MYH2: variants seen among roughly 807,000 people sequenced by gnomAD.
MYH2 encodes the protein myosin heavy chain 2, also known as myosin-2.
In MYH2, 139 loss-of-function variants were observed where a neutral mutation model predicts 228.1. The ratio of observed to expected loss-of-function variants is 0.61; its 90% CI spans 0.53 to 0.70. MYH2 has a LOEUF of 0.70. Ranked by LOEUF, MYH2 falls within the 30% of genes least tolerant of loss-of-function variation. MYH2 has a pLI of 0.00. For missense variants in MYH2, 1,809 were observed against 2,357.5 expected (o/e 0.77, Z 4.82); for synonymous variants, 796 against 871.1 (o/e 0.91, Z 1.52).
intron 28 of MYH2, 105 bp from the exon 29 acceptor site, chr17:10,527,161 A>G (rs1248318129): frequency 2.0e-6 from 2 of 1,000,142 alleles, no homozygotes; most frequent in Non-Finnish European, 3.2e-6. Context: ...TTGAGTGCTC[A>G]GATGGTTGAA....
Position 10,525,553 on chromosome 17 carries a change from CCTT to C in MYH2, c.4432_4434del (p.Lys1478del). On this transcript the variant is annotated inframe_deletion, in exon 32 of 40. Transcript: ENST00000245503. This position sits in a 1 kb window ranked among gnomAD's most constrained non-coding sequence, Gnocchi z 4.2. ...AGCTCAGTGCCAAGGGAACGGGCCT[CCTT>C]CTGGGAGGCCTCAAGCTCAGCATGC... is the stretch of plus-strand genomic sequence containing the variant. 1 of 1,614,188 alleles carries C rather than the reference CCTT, an allele frequency of 6.2e-7. No individual in the cohort carries two copies. The highest frequency in any genetic ancestry group is 8.5e-7 in the Non-Finnish European group (1 of 1,180,034).
At chr17:10,536,221 T>G (rs2073480703) in intron 17 of MYH2, among the ~76,000 whole-genome samples, 2 of 152,172 alleles carry the variant, frequency 1.3e-5, no homozygotes, top group South Asian at 4.1e-4. Context: ...CAGTGTACAC[T>G]GCTCTGGTGA....
chr17:10,525,334 G>C lies in MYH2; in HGVS notation c.4552C>G (p.Leu1518Val), dbSNP rs777536204. 8 of 1,613,986 alleles carry C rather than the reference G, an allele frequency of 5.0e-6. No homozygotes were observed. Among genetic ancestry groups the C allele is most frequent in the East Asian group, 4.5e-5 (2 of 44,900 alleles). Residue 1518 changes from leucine (L) to valine (V), a missense_variant, in exon 33 of 40, where the codon CTC (leucine) becomes GTC (valine). Around this residue, in one of 9 missense-constraint regions of MYH2, gnomAD observed 636 missense variants for 729.9 expected, o/e 0.87. Coordinates refer to ENST00000245503, the MANE Select transcript of MYH2 (RefSeq NM_017534.6). The surrounding 1 kb of genome is among the most constrained non-coding windows in gnomAD (Gnocchi z 4.2). ...NKNLQQEISD[L>V]TEQIAEGGKR... is the part of the protein sequence containing the mutation. The stretch of plus-strand genomic sequence containing the variant: ...CCTCCTTCTGCAATCTGTTCCGTGA[G>C]GTCAGAAATCTCCTCTGTTGTTTGA...
In MYH2 at chr17:10,525,083, G is replaced by C; in HGVS notation, c.4663-18C>G. On this transcript the variant is annotated intron_variant, in intron 33 of 39. Coordinates refer to ENST00000245503, the MANE Select transcript of MYH2 (RefSeq NM_017534.6). The surrounding 1 kb of genome is among the most constrained non-coding windows in gnomAD (Gnocchi z 4.2). ...AGAGATGCCTTAATGACAGCAAGAG[G>C]TGACATTAGCAAGGAACCAAAAGCT... The C allele has an allele frequency of 6.2e-7, 1 of 1,614,094 alleles. No individual in the cohort carries two copies. Among genetic ancestry groups the C allele is most frequent in the Non-Finnish European group, 8.5e-7 (1 of 1,180,028 alleles).
rs534927767 is a variant in MYH2 at position 10,529,463 on chromosome 17, G to C, written c.3136C>G (p.Gln1046Glu). Residue 1046 changes from glutamine (Q) to glutamate (E), a missense_variant, in exon 25 of 40, where the codon CAA becomes GAA. Physicochemically the swap from Gln to Glu is conservative, Grantham distance 29. Around this residue, in one of 9 missense-constraint regions of MYH2, gnomAD observed 636 missense variants for 729.9 expected, o/e 0.87. Transcript: ENST00000245503. ...AGGTCCATGCGAAGTTTCTTTTCTT[G>C]CTCCAAGGACCCTTCAAGCTAAATA... The part of the protein sequence containing the change: ...QVDDLEGSLE[Q>E]EKKLRMDLER... The C allele has an allele frequency of 5.0e-6, 8 of 1,614,036 alleles. No individual in the cohort carries two copies. The South Asian group carries it at 7.7e-5, about 16-fold the overall frequency.
At position 10,546,779 on chromosome 17, in the gene MYH2, TAA is replaced by T. The variant is rs56672222; in HGVS notation, c.348+694_348+695del. Among the ~76,000 whole-genome samples, 935 of 114,372 alleles carry T rather than the reference TAA, an allele frequency of 8.2e-3. 9 individuals are homozygous for T. Among genetic ancestry groups the T allele is most frequent in the Middle Eastern group, 0.03 (7 of 234 alleles). 75.0% of individuals were successfully genotyped at this position (114,372 alleles called of 152,430 possible). On this transcript the variant is annotated intron_variant, in intron 4 of 39. Coordinates refer to ENST00000245503, the MANE Select transcript of MYH2 (RefSeq NM_017534.6). ...ATTGAAAATGAGTGAAATTTGTTTTTAAAAAAAAAAAAAATGTAGGCCAGGCA... is the reference window on the plus strand; with the variant it reads ...ATTGAAAATGAGTGAAATTTGTTTTTAAAAAAAAAAAATGTAGGCCAGGCA...
Position 10,547,730 on chromosome 17 carries a change from G to C in MYH2, c.191C>G (p.Thr64Ser), listed in dbSNP as rs756508484. 6.2e-7 allele frequency: 1 copy of C among 1,614,190 alleles called. No homozygotes were observed. The highest frequency in any genetic ancestry group is 8.5e-7 in the Non-Finnish European group (1 of 1,180,032). ...SREGGKVTVK[T>S]EGGATLTVKD... ...GATTCTACTCACCGCTCCTCCCTCA[G>C]TCTTCACCGTCACTTTTCCTCCTTC... Residue 64 changes from threonine (T) to serine (S), a missense_variant, in exon 3 of 40, where the codon ACT (threonine) becomes AGT (serine). Physicochemically the swap from Thr to Ser is moderately conservative, Grantham distance 58 (BLOSUM62 1). Around this residue, in one of 9 missense-constraint regions of MYH2, gnomAD observed 84 missense variants for 81.8 expected, o/e 1.03. Transcript: ENST00000245503.
Position 10,537,130 on chromosome 17 carries a change from G to C in MYH2, c.1897+103C>G. 6.8e-7 allele frequency: 1 copy of C among 1,467,812 alleles called. No individual in the cohort carries two copies. Among genetic ancestry groups the C allele is most frequent in the South Asian group, 1.1e-5 (1 of 87,778 alleles). The allele number at this position is 1,467,812 out of a possible 1,614,324, so 90.9% of individuals were successfully genotyped here. ...CTATTCAATACTTGGAGGAACCAGG[G>C]GCTTGGTCTGCAACCCTTCTGCCAG... On this transcript the variant is annotated intron_variant, in intron 16 of 39. Transcript: ENST00000245503. This position sits in a 1 kb window ranked among gnomAD's most constrained non-coding sequence, Gnocchi z 4.0.
chr17:10,544,979 G>A (rs900955716), intron 5 of MYH2, among the ~76,000 whole-genome samples: 2 of 151,788 alleles, frequency 1.3e-5, no homozygotes, highest in Non-Finnish European at 2.9e-5. Context: ...CATAGTAACG[G>A]AGACACAGTT....
At position 10,547,917 on chromosome 17, in the gene MYH2, T is replaced by C; in HGVS notation, c.4A>G (p.Ser2Gly). M[S>G]SDSELAVFGE... ...AAAACAGCCAATTCTGAGTCTGAAC[T>C]CATGGCTGCTGAACTCAGAGGTCCT... Residue 2 changes from serine (S) to glycine (G), a missense_variant, in exon 3 of 40, where the codon AGT becomes GGT. Physicochemically the swap from Ser to Gly is moderately conservative, Grantham distance 56 (BLOSUM62 0). Coordinates refer to ENST00000245503, the MANE Select transcript of MYH2 (RefSeq NM_017534.6). 6.2e-7 allele frequency: 1 copy of C among 1,614,176 alleles called. No homozygotes were observed. Among genetic ancestry groups the C allele is most frequent in the Non-Finnish European group, 8.5e-7 (1 of 1,180,020 alleles).
rs376348747 is a variant in MYH2 at position 10,523,442 on chromosome 17, G to C, written c.5473-30C>G. 4.1e-4 allele frequency: 662 copies of C among 1,614,012 alleles called. 1 individual carries two copies. The highest frequency in any genetic ancestry group is 5.1e-4 in the Non-Finnish European group (606 of 1,180,040). ...AAATAAGTAGGCTCTTAAGAACTTT[G>C]ATCCAATAAGGCACTGAAAGCAGAT... On this transcript the variant is annotated intron_variant, in intron 37 of 39. Coordinates refer to ENST00000245503, the MANE Select transcript of MYH2 (RefSeq NM_017534.6).
At chr17:10,521,596 T>TAC (rs1401867880) in intron 39 of MYH2, among the ~76,000 whole-genome samples, 164 bp from the exon 40 acceptor site, 1 of 151,186 alleles carries the variant, frequency 6.6e-6, no homozygotes, top group African/African-American at 2.4e-5. Context: ...TATATATATA[T>TAC]ATATACACAC....
At chr17:10,530,508 C>A (rs2073412072) in intron 22 of MYH2, among the ~76,000 whole-genome samples, 1 of 149,418 alleles carries the variant, frequency 6.7e-6, no homozygotes, top group African/African-American at 2.5e-5. Flanking sequence ...TCTAGCAGGA[C>A]AAATTCAAGA....
chr17:10,545,422 G>A lies in MYH2; in HGVS notation c.429C>T (p.Tyr143=). The change falls in exon 5 of 40, where the codon TAC becomes TAT. Residue 143 remains tyrosine (Y), a synonymous_variant. Transcript: ENST00000245503. The part of the protein sequence containing the change: ...PVYKPEVVTA[Y]RGKKRQEAPP... ...GGGCCTCCTGGCGCTTTTTGCCTCG[G>A]TAGGCTGTCACCACCTCGGGCTTAT... 1 of 1,614,182 alleles carries A rather than the reference G, an allele frequency of 6.2e-7. No individual in the cohort carries two copies. The highest frequency in any genetic ancestry group is 8.5e-7 in the Non-Finnish European group (1 of 1,180,032).
chr17:10,529,988 C>A lies in MYH2; in HGVS notation c.2784G>T (p.Val928=). Residue 928 remains valine (V), a synonymous_variant, in exon 23 of 40, where the codon GTG becomes GTT. Transcript: ENST00000245503. ...KIQLEAKIKE[V]TERAEDEEEI... is the part of the protein sequence containing the mutation. ...CTTCCTCATCCTCAGCTCTCTCAGT[C>A]ACCTCTTTGATTTTGGCTTCTAGCT... 1.2e-6 allele frequency: 2 copies of A among 1,614,004 alleles called. No homozygotes were observed. Among genetic ancestry groups the A allele is most frequent in the Non-Finnish European group, 1.7e-6 (2 of 1,179,872 alleles).
In MYH2 at chr17:10,523,616, G is replaced by C; in HGVS notation, c.5352C>G (p.His1784Gln). 1 of 1,614,166 alleles carries C rather than the reference G, an allele frequency of 6.2e-7. No homozygotes were observed. The highest frequency in any genetic ancestry group is 8.5e-7 in the Non-Finnish European group (1 of 1,180,038). The change falls in exon 37 of 40, where the codon CAC becomes CAG. Residue 1784 changes from histidine to glutamine, a missense_variant. Transcript: ENST00000245503. ...CCATGTTCTTCTTCATCCGCTCCAG[G>C]TGGGCGCTGGTGTCCTGCTCCTTCT... ...ELKKEQDTSA[H>Q]LERMKKNMEQ...
intron 22 of MYH2, 133 bp from the exon 23 acceptor site, chr17:10,530,207 T>G (rs2073408987): frequency 1.4e-6 from 2 of 1,462,904 alleles, no homozygotes; most frequent in East Asian, 4.7e-5. Flanking sequence ...AATTTTTGTT[T>G]CATGAACCAC....
chr17:10,526,189 AACT>A (rs2073350562), intron 30 of MYH2, among the ~76,000 whole-genome samples: 1 of 152,218 alleles, frequency 6.6e-6, no homozygotes, highest in Non-Finnish European at 1.5e-5. Flanking sequence ...AATGGTGGGC[AACT>A]ACTCTAGATA....
chr17:10,548,170 T>A (rs2073659113), intron 2 of MYH2, among the ~76,000 whole-genome samples: 1 of 152,136 alleles, frequency 6.6e-6, no homozygotes, highest in African/African-American at 2.4e-5. Flanking sequence ...TCTTATTTCA[T>A]CCTCCAGGAC....
Sources: gnomAD v4.1 joint callset for allele counts (sites outside exome capture counted in the v4.1 genomes callset) on GRCh38, gnomAD v4.1.1 for gene constraint, gnomAD v4.1.1 regional missense constraint, Gnocchi (gnomAD v3.1) non-coding constraint, MANE v1.5 for transcripts, NCBI Gene and HGNC (gene_info 2026-07-23, HGNC 2026-07-21) for gene names.